The following CUL5 variants were observed in gnomAD, a reference collection of about 807,000 sequenced individuals.
The protein encoded by CUL5 is cullin-5.
A neutral mutation model predicts 108.8 loss-of-function variants in CUL5; 26 were observed. That is an observed-to-expected ratio of 0.24 (90% confidence interval 0.18 to 0.33). The LOEUF (loss-of-function observed/expected upper bound fraction) is 0.33, where lower values mean the gene tolerates loss of function less well. Ranked by LOEUF, CUL5 falls within the 10% of genes least tolerant of loss-of-function variation. CUL5 has a pLI of 1.00. For missense variants in CUL5, 524 were observed against 909.2 expected (o/e 0.58, Z 5.45); for synonymous variants, 334 against 298.0 (o/e 1.12, Z -1.25).
Position 108,021,707 on chromosome 11 carries a change from G to A in CUL5, c.25-12095G>A, listed in dbSNP as rs1862330523. On this transcript the variant is annotated intron_variant, in intron 1 of 18. Coordinates refer to ENST00000393094, the MANE Select transcript of CUL5 (RefSeq NM_003478.6). ...TTTTATTTTGTTTTTGTAGAGATGG[G>A]GTCTCACCATGTTGCCCAGGCTAGT... Among the ~76,000 whole-genome samples, 4 of 151,866 alleles carry A rather than the reference G, an allele frequency of 2.6e-5. 1 individual carries two copies. In the South Asian group the frequency reaches 8.3e-4, roughly 32 times the overall value.
chr11:108,041,025 G>A (rs560107780), intron 2 of CUL5, among the ~76,000 whole-genome samples: 1 of 152,092 alleles, frequency 6.6e-6, no homozygotes, highest in Non-Finnish European at 1.5e-5. Context: ...ATTTGAGTAC[G>A]GCAGGGTTAC....
rs573781743 is a variant in CUL5, at chr11:108,093,882, T to G, written c.1444-509T>G. On this transcript the variant is annotated intron_variant, in intron 13 of 18. Transcript: ENST00000393094. ...ATCCTGCTAACTTTTAAAATTTTTTTGTAGTGATGGGGGTGTCACTGTGTT... is the reference window on the plus strand; with the variant it reads ...ATCCTGCTAACTTTTAAAATTTTTTGGTAGTGATGGGGGTGTCACTGTGTT... Among the ~76,000 whole-genome samples, 170 of 152,310 alleles carry G rather than the reference T, an allele frequency of 1.1e-3. 3 individuals are homozygous for G. The highest frequency in any genetic ancestry group is 4.0e-3 in the African/African-American group (166 of 41,568).
intron 11 of CUL5, among the ~76,000 whole-genome samples, chr11:108,086,794 G>A (rs181875618): frequency 9.9e-5 from 15 of 152,264 alleles, no homozygotes; most frequent in Admixed American, 7.8e-4. Flanking sequence ...GTGGTGCTTT[G>A]CCTCAGAATG....
At chr11:108,013,361 C>G (rs1346065330) in intron 1 of CUL5, among the ~76,000 whole-genome samples, 2 of 152,200 alleles carry the variant, frequency 1.3e-5, no homozygotes, top group Non-Finnish European at 2.9e-5. Context: ...GATCTGAGCT[C>G]TAGATCAAAA....
chr11:108,008,952 C>T lies in CUL5; in HGVS notation c.-397C>T, dbSNP rs966371472. 1.5e-5 allele frequency: 3 copies of T among 203,388 alleles called. No homozygotes were observed. The highest frequency in any genetic ancestry group is 7.0e-5 in the African/African-American group (3 of 43,088). 12.6% of individuals were successfully genotyped at this position (203,388 alleles called of 1,614,324 possible). Reference sequence around the variant, plus strand: ...TGGCCGCGGAACCTGAGCTGCGGGGCCTAAGCCGAGCTAAATTCGTTGCAG... The same window carrying T: ...TGGCCGCGGAACCTGAGCTGCGGGGTCTAAGCCGAGCTAAATTCGTTGCAG... On this transcript the variant is annotated 5_prime_UTR_variant, in exon 1 of 19. Coordinates refer to ENST00000393094, the MANE Select transcript of CUL5 (RefSeq NM_003478.6).
chr11:108,012,519 CTTACTT>C (rs1862078870), intron 1 of CUL5, among the ~76,000 whole-genome samples: 2 of 106,022 alleles, frequency 1.9e-5, no homozygotes, highest in African/African-American at 4.1e-5. Flanking sequence ...TATGTCCCCT[CTTACTT>C]TTTTTTTTTT....
Position 108,078,165 on chromosome 11 carries a change from AT to A in CUL5, c.1114-5del. On this transcript the variant is annotated splice_polypyrimidine_tract_variant and intron_variant, in intron 10 of 18. Coordinates refer to ENST00000393094, the MANE Select transcript of CUL5 (RefSeq NM_003478.6). ...TATTAAAAATATTTTATTCCAAATT[AT>A]TTTTTGCAGGCGTATAAAGCAGTTG... The A allele has an allele frequency of 6.8e-7, 1 of 1,477,340 alleles. No individual in the cohort carries two copies. The highest frequency in any genetic ancestry group is 9.3e-7 in the Non-Finnish European group (1 of 1,080,942). The allele number at this position is 1,477,340 out of a possible 1,614,324, so 91.5% of individuals were successfully genotyped here.
intron 9 of CUL5, among the ~76,000 whole-genome samples, 191 bp from the exon 10 acceptor site, chr11:108,073,199 C>T (rs1409732898): frequency 1.4e-5 from 2 of 144,232 alleles, no homozygotes; most frequent in African/African-American, 2.6e-5. Context: ...GAGACTCCGT[C>T]TCAAAAAAAA....
In CUL5 at chr11:108,094,871, G is replaced by A. The variant is rs773827272; in HGVS notation, c.1627G>A (p.Val543Ile). 1 of 1,613,016 alleles carries A rather than the reference G, an allele frequency of 6.2e-7. No homozygotes were observed. The highest frequency in any genetic ancestry group is 8.5e-7 in the Non-Finnish European group (1 of 1,179,458). Residue 543 changes from valine (V) to isoleucine (I), a missense_variant, in exon 15 of 19, where the codon GTC becomes ATC. By Grantham distance (29) the Val-to-Ile change is conservative. Around this residue, in one of 8 missense-constraint regions of CUL5, gnomAD observed 64 missense variants for 152.0 expected, o/e 0.42. Coordinates refer to ENST00000393094, the MANE Select transcript of CUL5 (RefSeq NM_003478.6). ...AGAWSRSSEK[V>I]FVSLPTELED... is the part of the protein sequence containing the mutation. Reference sequence around the variant, plus strand: ...CGCCTGGTCAAGAAGTTCTGAGAAAGTCTTTGTCTCACTTCCTACTGAACT... The same window carrying A: ...CGCCTGGTCAAGAAGTTCTGAGAAAATCTTTGTCTCACTTCCTACTGAACT...
At chr11:108,010,114 TAA>T (rs1271038760) in intron 1 of CUL5, among the ~76,000 whole-genome samples, 2 of 152,270 alleles carry the variant, frequency 1.3e-5, no homozygotes, top group Admixed American at 6.5e-5. Flanking sequence ...CTCCACCAGT[TAA>T]AAAGTTTGGA....
chr11:108,011,648 G>T (rs374033647), intron 1 of CUL5, among the ~76,000 whole-genome samples: 5 of 151,342 alleles, frequency 3.3e-5, no homozygotes, highest in Admixed American at 2.6e-4. Context: ...TTTTGGAGGG[G>T]GACGGAGTCT....
At chr11:108,092,284 T>G (rs796303135) in intron 13 of CUL5, among the ~76,000 whole-genome samples, 15 of 152,340 alleles carry the variant, frequency 9.8e-5, no homozygotes, top group African/African-American at 3.6e-4. Flanking sequence ...GCAGACACTT[T>G]GGAAAACTGT....
chr11:108,098,561 A>T lies in CUL5; in HGVS notation c.2148+32A>T, dbSNP rs767204507. The T allele has an allele frequency of 5.6e-6, 8 of 1,431,210 alleles. No homozygotes were observed. The South Asian group carries it at 1.2e-4, about 22-fold the overall frequency. The allele number at this position is 1,431,210 out of a possible 1,614,324, so 88.7% of individuals were successfully genotyped here. On this transcript the variant is annotated intron_variant, in intron 18 of 18. Transcript: ENST00000393094. ...AATGTTGACAGAATGTCTGAAGTTT[A>T]AAAAAACTTTAGTTTTTTTTTTTTT...
intron 12 of CUL5, among the ~76,000 whole-genome samples, chr11:108,088,983 TC>T (rs963496050): frequency 6.6e-6 from 1 of 152,100 alleles, no homozygotes; most frequent in Non-Finnish European, 1.5e-5. Flanking sequence ...TTTCACTCCT[TC>T]CTTTTTGTGA....
intron 1 of CUL5, among the ~76,000 whole-genome samples, chr11:108,021,004 T>G (rs1477313800): frequency 2.0e-5 from 3 of 152,226 alleles, no homozygotes; most frequent in African/African-American, 7.2e-5. Context: ...TTTCTATGTT[T>G]AGATACACAA....
chr11:108,095,304 A>G (rs1052687455), intron 15 of CUL5, among the ~76,000 whole-genome samples: 4 of 152,240 alleles, frequency 2.6e-5, no homozygotes, highest in Admixed American at 1.3e-4. Flanking sequence ...GTCATTTTCC[A>G]TTTGCATCCG....
intron 7 of CUL5, among the ~76,000 whole-genome samples, chr11:108,056,883 A>G (rs1863392968): frequency 6.6e-6 from 1 of 152,196 alleles, no homozygotes; most frequent in Non-Finnish European, 1.5e-5. Flanking sequence ...TCAAGCCAAT[A>G]ATGTTCTGAG....
At chr11:108,025,484 C>T (rs906079406) in intron 1 of CUL5, among the ~76,000 whole-genome samples, 1 of 152,128 alleles carries the variant, frequency 6.6e-6, no homozygotes, top group Non-Finnish European at 1.5e-5. Context: ...CTTTAAGTTT[C>T]GTTAGAGTGT....
At chr11:108,046,050 C>G (rs1263776971) in intron 2 of CUL5, among the ~76,000 whole-genome samples, 1 of 151,764 alleles carries the variant, frequency 6.6e-6, no homozygotes, top group African/African-American at 2.4e-5. Flanking sequence ...TGGTAAGTAG[C>G]AGAGAATTAA....
Sources: allele counts gnomAD v4.1 joint callset (sites outside exome capture counted in the v4.1 genomes callset), GRCh38; gene constraint gnomAD v4.1.1; regional missense constraint gnomAD v4.1.1; transcripts MANE v1.5; gene names NCBI Gene and HGNC (gene_info 2026-07-23, HGNC 2026-07-21).